The following CSGALNACT1 variants were observed in gnomAD, a reference collection of about 807,000 sequenced individuals.
CSGALNACT1 encodes the protein beta4GalNAcT-1.
In CSGALNACT1, 52 loss-of-function variants were observed where a neutral mutation model predicts 51.0. The observed-to-expected ratio is 1.02, with a 90% CI of 0.82 to 1.29. The LOEUF (loss-of-function observed/expected upper bound fraction) is 1.29. Ranked by LOEUF, CSGALNACT1 falls within the 50% of genes most tolerant of loss-of-function variation. The probability of loss-of-function intolerance (pLI) is 0.00; values close to 1 mark genes in which losing one functional copy is unlikely to be tolerated. For synonymous variants in CSGALNACT1, 341 were observed against 254.4 expected (o/e 1.34, Z -3.24); for missense variants, 935 against 679.2 (o/e 1.38, Z -4.19).
intron 3 of CSGALNACT1, among the ~76,000 whole-genome samples, chr8:19,527,604 C>A (rs538938586): frequency 6.6e-6 from 1 of 152,154 alleles, no homozygotes; most frequent in South Asian, 2.1e-4. Context: ...AGTGAGACTC[C>A]ATGTCAAAAA....
At chr8:19,527,983 G>A (rs1362919574) in intron 3 of CSGALNACT1, among the ~76,000 whole-genome samples, 1 of 152,108 alleles carries the variant, frequency 6.6e-6, no homozygotes, top group Non-Finnish European at 1.5e-5. Context: ...GGAAGAAAAG[G>A]TGGTGCTGAG....
rs1345092875 is a variant in CSGALNACT1 at position 19,733,248 on chromosome 8, C to T, written c.-297+24602G>A. Reference sequence around the variant, plus strand: ...GTTAAATAAGAATAAAATCCCATCCCTATATTCCAAGTTCACATTTTATAA... The same window carrying T: ...GTTAAATAAGAATAAAATCCCATCCTTATATTCCAAGTTCACATTTTATAA... On this transcript the variant is annotated intron_variant, in intron 1 of 1. Transcript: ENST00000517494. Among the ~76,000 whole-genome samples, 5 of 152,154 alleles carry T rather than the reference C, an allele frequency of 3.3e-5. No individual in the cohort carries two copies. The South Asian group carries it at 6.2e-4, about 19-fold the overall frequency.
chr8:19,719,680 G>T (rs999140551), intron 1 of CSGALNACT1, among the ~76,000 whole-genome samples: 2 of 152,194 alleles, frequency 1.3e-5, no homozygotes, highest in Admixed American at 6.5e-5. Context: ...CACGTCCACA[G>T]TTAAAGCCAC....
At chr8:19,461,138 T>C (rs2065263993) in intron 4 of CSGALNACT1, among the ~76,000 whole-genome samples, 1 of 152,228 alleles carries the variant, frequency 6.6e-6, no homozygotes, top group Non-Finnish European at 1.5e-5. Context: ...GCTGAGAGTT[T>C]TGCTGAGCTC....
At chr8:19,573,525 C>T (rs1254859872) in intron 3 of CSGALNACT1, among the ~76,000 whole-genome samples, 2 of 151,906 alleles carry the variant, frequency 1.3e-5, no homozygotes, top group Non-Finnish European at 2.9e-5. Flanking sequence ...CTCACTGTAA[C>T]CTCTGCCTCC....
At chr8:19,625,548 C>T (rs1367335712) in intron 1 of CSGALNACT1, among the ~76,000 whole-genome samples, 1 of 152,152 alleles carries the variant, frequency 6.6e-6, no homozygotes. Flanking sequence ...TTTGAGGTGC[C>T]TGAGCCTCAC....
intron 3 of CSGALNACT1, among the ~76,000 whole-genome samples, chr8:19,569,127 G>C (rs1453882017): frequency 6.6e-6 from 1 of 152,208 alleles, no homozygotes; most frequent in African/African-American, 2.4e-5. Context: ...CAGATATGGA[G>C]TACACAGTGC....
At chr8:19,541,843 G>C (rs535169063) in intron 3 of CSGALNACT1, among the ~76,000 whole-genome samples, 2 of 151,960 alleles carry the variant, frequency 1.3e-5, no homozygotes, top group Non-Finnish European at 2.9e-5. Context: ...TAAAATAACT[G>C]TGTGCAATAG....
intron 3 of CSGALNACT1, among the ~76,000 whole-genome samples, chr8:19,564,809 G>A (rs1053656951): frequency 6.6e-6 from 1 of 152,146 alleles, no homozygotes; most frequent in African/African-American, 2.4e-5. Context: ...TGGCTACCTT[G>A]CCCCATGAGA....
intron 3 of CSGALNACT1, among the ~76,000 whole-genome samples, chr8:19,530,871 C>A (rs2082637919): frequency 6.6e-6 from 1 of 152,226 alleles, no homozygotes; most frequent in African/African-American, 2.4e-5. Context: ...TTTTGTTCAA[C>A]ACAAATATTT....
intron 1 of CSGALNACT1, among the ~76,000 whole-genome samples, chr8:19,661,709 G>C (rs949971970): frequency 2.0e-5 from 3 of 152,166 alleles, no homozygotes; most frequent in Non-Finnish European, 4.4e-5. Context: ...GTTCACATGG[G>C]AGGATATGGC....
At chr8:19,412,268 A>G (rs2153677006) in intron 8 of CSGALNACT1, among the ~76,000 whole-genome samples, 1 of 152,356 alleles carries the variant, frequency 6.6e-6, no homozygotes, top group South Asian at 2.1e-4. Context: ...GACAGTTGTC[A>G]GCCCTGCTCT....
At chr8:19,461,910 CCG>C (rs2065623823) in intron 4 of CSGALNACT1, among the ~76,000 whole-genome samples, 1 of 151,520 alleles carries the variant, frequency 6.6e-6, no homozygotes, top group African/African-American at 2.4e-5. Context: ...GAGGGTGTAT[CCG>C]CACAGCACCC....
intron 3 of CSGALNACT1, among the ~76,000 whole-genome samples, chr8:19,532,353 T>C (rs2082939841): frequency 6.6e-6 from 1 of 152,080 alleles, no homozygotes; most frequent in Admixed American, 6.5e-5. Flanking sequence ...TGAGGAACAA[T>C]TAGGGGTGAC....
intron 3 of CSGALNACT1, among the ~76,000 whole-genome samples, chr8:19,519,703 G>A (rs1179395358): frequency 6.6e-6 from 1 of 152,158 alleles, no homozygotes; most frequent in Non-Finnish European, 1.5e-5. Flanking sequence ...ACTCTGCTTT[G>A]GTGCCAAAAG....
intron 5 of CSGALNACT1, among the ~76,000 whole-genome samples, chr8:19,442,983 C>T (rs1357879796): frequency 1.3e-5 from 2 of 152,186 alleles, no homozygotes; most frequent in Non-Finnish European, 2.9e-5. Flanking sequence ...ATCACCTTCA[C>T]CATGTCCCCA....
intron 1 of CSGALNACT1, among the ~76,000 whole-genome samples, chr8:19,619,433 G>C (rs114442414): frequency 2.0e-5 from 3 of 152,026 alleles, no homozygotes; most frequent in Non-Finnish European, 4.4e-5. Context: ...CAATGGAGTC[G>C]CAAAGACCTT....
chr8:19,628,748 T>G (rs1362935401), intron 1 of CSGALNACT1, among the ~76,000 whole-genome samples: 2 of 152,010 alleles, frequency 1.3e-5, no homozygotes, highest in Non-Finnish European at 1.5e-5. Flanking sequence ...CCCAAAGTGC[T>G]GGGATTACAT....
intron 3 of CSGALNACT1, among the ~76,000 whole-genome samples, chr8:19,570,614 T>G (rs190760891): frequency 3.3e-5 from 5 of 152,054 alleles, no homozygotes; most frequent in Non-Finnish European, 5.9e-5. Flanking sequence ...ATTTAAGACA[T>G]GTACAGGCCG....
Sources: allele counts gnomAD v4.1 joint callset (sites outside exome capture counted in the v4.1 genomes callset), GRCh38; gene constraint gnomAD v4.1.1; transcripts MANE v1.5; gene names NCBI Gene and HGNC (gene_info 2026-07-23, HGNC 2026-07-21).